ANKHD1: variants seen among roughly 807,000 people sequenced by gnomAD.
ANKHD1 encodes ankyrin repeat and KH domain containing 1.
ANKHD1 carries 31 observed loss-of-function variants against 230.5 expected under a neutral mutation model. The observed-to-expected ratio is 0.13, with a 90% CI of 0.10 to 0.18. The LOEUF (loss-of-function observed/expected upper bound fraction) is 0.18, where lower values mean the gene tolerates loss of function less well. ANKHD1 is among the 10% of genes least tolerant of loss of function. The pLI, the probability that ANKHD1 is intolerant of heterozygous loss-of-function variation, is 1.00. For missense variants in ANKHD1, 2,256 were observed against 3,071.3 expected, an observed-to-expected ratio of 0.73 and a Z score of 6.27; for synonymous variants, 1,074 against 1,117.6, an observed-to-expected ratio of 0.96 and a Z score of 0.78.
At chr5:140,410,095 T>C (rs1198937408) in intron 1 of ANKHD1, among the ~76,000 whole-genome samples, 1 of 151,374 alleles carries the variant, frequency 6.6e-6, no homozygotes, top group African/African-American at 2.5e-5. Flanking sequence ...GTCAAAGTAA[T>C]ATAAGGGCAG....
chr5:140,477,692 A>G (rs1359463365), intron 10 of ANKHD1, among the ~76,000 whole-genome samples: 1 of 152,134 alleles, frequency 6.6e-6, no homozygotes, highest in Non-Finnish European at 1.5e-5. Context: ...GCTCACTGCA[A>G]CCTCCACCCA....
chr5:140,515,966 GAGA>G (rs1336470451), intron 24 of ANKHD1, among the ~76,000 whole-genome samples: 2 of 152,204 alleles, frequency 1.3e-5, no homozygotes, highest in Non-Finnish European at 2.9e-5. Flanking sequence ...GACGAGCTGA[GAGA>G]AGAAGGCCTC....
At position 140,447,100 on chromosome 5, in the gene ANKHD1, G is replaced by A. The variant is rs1774340434; in HGVS notation, c.1147+1125G>A. ...ATTTTTGTATTTTTAGTAGAGACAGGGTTTCATCATATTAGTCAGTCTGGT... is the reference window on the plus strand; with the variant it reads ...ATTTTTGTATTTTTAGTAGAGACAGAGTTTCATCATATTAGTCAGTCTGGT... On this transcript the variant is annotated intron_variant, in intron 6 of 33. Coordinates refer to ENST00000360839, the MANE Select transcript of ANKHD1 (RefSeq NM_017747.3). Among the ~76,000 whole-genome samples the A allele has an allele frequency of 2.0e-5, 3 of 152,046 alleles. No individual in the cohort carries two copies. In the Middle Eastern group the frequency reaches 0.01, roughly 517 times the overall value.
At chr5:140,417,318 A>G (rs1229381158) in intron 1 of ANKHD1, among the ~76,000 whole-genome samples, 1 of 152,036 alleles carries the variant, frequency 6.6e-6, no homozygotes, top group Non-Finnish European at 1.5e-5. Context: ...TGTAGTTATC[A>G]TTATGACAAA....
chr5:140,487,279 T>G (rs1751553822), intron 14 of ANKHD1, among the ~76,000 whole-genome samples: 1 of 152,192 alleles, frequency 6.6e-6, no homozygotes, highest in African/African-American at 2.4e-5. Context: ...AGTTGTAGCT[T>G]TCATCTGGCA....
At chr5:140,523,645 C>T (rs1179635999) in intron 24 of ANKHD1, among the ~76,000 whole-genome samples, 1 of 151,520 alleles carries the variant, frequency 6.6e-6, no homozygotes, top group African/African-American at 2.4e-5. Context: ...ATTGCAACCT[C>T]TGTCTCCCAG....
At chr5:140,500,608 A>G (rs1752246365) in intron 15 of ANKHD1, among the ~76,000 whole-genome samples, 1 of 142,748 alleles carries the variant, frequency 7.0e-6, no homozygotes, top group Non-Finnish European at 1.5e-5. Flanking sequence ...AGATCACACC[A>G]CTGCACTCCA....
intron 1 of ANKHD1, among the ~76,000 whole-genome samples, chr5:140,419,818 C>CTT (rs1771770384): frequency 7.9e-6 from 1 of 127,332 alleles, no homozygotes. Context: ...TTCTTTCTTT[C>CTT]TTTCTTTCTT....
In ANKHD1 at chr5:140,402,177, A is replaced by C; in HGVS notation, c.210A>C (p.Gly70=). 1 of 1,524,502 alleles carries C rather than the reference A, an allele frequency of 6.6e-7. No homozygotes were observed. The highest frequency in any genetic ancestry group is 8.8e-7 in the Non-Finnish European group (1 of 1,140,802). The allele number at this position is 1,524,502 out of a possible 1,614,324, so 94.4% of individuals were successfully genotyped here. A position where few individuals can be genotyped will look rare whatever the true frequency, so the allele number is the denominator to read the frequency against. Residue 70 remains glycine (G), a synonymous_variant, in exon 1 of 34, where the codon GGA becomes GGC. Transcript: ENST00000360839. ...GGGGSGSGTG[G]GDAALDFKLA... Reference sequence around the variant, plus strand: ...GCGGCAGCGGCAGCGGTACGGGCGGAGGGGACGCGGCGCTGGATTTCAAGT... The same window carrying C: ...GCGGCAGCGGCAGCGGTACGGGCGGCGGGGACGCGGCGCTGGATTTCAAGT...
At position 140,502,796 on chromosome 5, in the gene ANKHD1, A is replaced by T. The variant is rs138024964; in HGVS notation, c.3005-2025A>T. ...TATTTTTTTCTTGGCCACTTCTTCC[A>T]GGAAAAAAATGACAAAAAATTTTAA... On this transcript the variant is annotated intron_variant, in intron 15 of 33. Coordinates refer to ENST00000360839, the MANE Select transcript of ANKHD1 (RefSeq NM_017747.3). Among the ~76,000 whole-genome samples, 9 of 152,288 alleles carry T rather than the reference A, an allele frequency of 5.9e-5. No individual in the cohort carries two copies. In the East Asian group the frequency reaches 1.7e-3, roughly 29 times the overall value.
At chr5:140,539,190 G>A (rs937476925) in intron 33 of ANKHD1, 107 bp downstream of exon 33, 8 of 1,508,576 alleles carry the variant, frequency 5.3e-6, no homozygotes, top group African/African-American at 2.8e-5. Flanking sequence ...TGACCATTTC[G>A]ATCTGGATTG....
intron 7 of ANKHD1, among the ~76,000 whole-genome samples, chr5:140,456,948 A>G (rs950985859): frequency 6.6e-6 from 1 of 152,214 alleles, no homozygotes; most frequent in African/African-American, 2.4e-5. Flanking sequence ...AAATTTTTTC[A>G]ATCTACTTAT....
chr5:140,479,919 T>C (rs1014306527), intron 10 of ANKHD1, among the ~76,000 whole-genome samples: 6 of 146,364 alleles, frequency 4.1e-5, no homozygotes, highest in Non-Finnish European at 6.1e-5. Flanking sequence ...CCTATATATA[T>C]ACATACATAT....
chr5:140,533,790 A>C (rs995038952), intron 29 of ANKHD1, among the ~76,000 whole-genome samples: 23 of 151,262 alleles, frequency 1.5e-4, no homozygotes, highest in African/African-American at 3.6e-4. Flanking sequence ...AAAAAAAAAA[A>C]AAAAAAAAAC....
At position 140,526,008 on chromosome 5, in the gene ANKHD1, T is replaced by C. The variant is rs1361262160; in HGVS notation, c.4505T>C (p.Val1502Ala). The C allele has an allele frequency of 7.6e-6, 12 of 1,572,074 alleles. No individual in the cohort carries two copies. The highest frequency in any genetic ancestry group is 1.0e-5 in the Non-Finnish European group (12 of 1,166,022). The change falls in exon 26 of 34, where the codon GTT becomes GCT. Residue 1502 changes from valine (V) to alanine (A), a missense_variant. Transcript: ENST00000360839. ...TTAACAATTTCAGTGGAGCAAGAAG[T>C]TCCCATAGAACCTCCTAGTGCAACC... ...EENDEDVEQEVPIEPPSATTT... is the reference protein window; with the variant it reads ...EENDEDVEQEAPIEPPSATTT...
At chr5:140,438,890 C>T (rs1045271176) in intron 3 of ANKHD1, among the ~76,000 whole-genome samples, 4 of 152,132 alleles carry the variant, frequency 2.6e-5, no homozygotes, top group Admixed American at 1.3e-4. Context: ...ATCTGTTTTC[C>T]AGTTATAAGG....
chr5:140,510,309 C>CTTTTTTTTTTTTT (rs34693244), intron 22 of ANKHD1, 128 bp downstream of exon 22: 1 of 500,746 alleles, frequency 2.0e-6, no homozygotes, highest in Non-Finnish European at 2.7e-6. Flanking sequence ...TCTTTCCATT[C>CTTTTTTTTTTTTT]TTTTTTTTTT....
chr5:140,446,706 C>T (rs1246775826), intron 6 of ANKHD1, among the ~76,000 whole-genome samples: 2 of 152,022 alleles, frequency 1.3e-5, no homozygotes, highest in Non-Finnish European at 2.9e-5. Flanking sequence ...GTAATGCTAC[C>T]ATCTAAAGAT....
chr5:140,524,327 A>G (rs1753501903), intron 25 of ANKHD1, 87 bp downstream of exon 25: 1 of 1,416,916 alleles, frequency 7.1e-7, no homozygotes, highest in African/African-American at 1.5e-5. Context: ...AGTTAACTCT[A>G]GTTAAACATT....
Sources: gnomAD v4.1 joint callset for allele counts (sites outside exome capture counted in the v4.1 genomes callset) on GRCh38, gnomAD v4.1.1 for gene constraint, MANE v1.5 for transcripts, NCBI Gene and HGNC (gene_info 2026-07-23, HGNC 2026-07-21) for gene names.